JPH3: variants seen among roughly 807,000 people sequenced by gnomAD.
JPH3 encodes junctophilin-3.
JPH3 carries 11 observed loss-of-function variants against 59.6 expected under a neutral mutation model. The ratio of observed to expected loss-of-function variants is 0.18; its 90% CI spans 0.12 to 0.31. JPH3 has a LOEUF of 0.31. Among genes scored for constraint, JPH3 ranks in the 10% least tolerant of loss-of-function variants. JPH3 has a pLI of 1.00. For synonymous variants in JPH3, 673 were observed against 483.6 expected, an observed-to-expected ratio of 1.39 and a Z score of -5.14; for missense variants, 1,202 against 1,105.7, an observed-to-expected ratio of 1.09 and a Z score of -1.24.
intron 4 of JPH3, 36 bp downstream of exon 4, chr16:87,690,562 G>A (rs1330648927): frequency 2.8e-6 from 4 of 1,440,148 alleles, no homozygotes; most frequent in Admixed American, 3.0e-5. Context: ...CCCAGTGGAG[G>A]CAACATCCAC....
intron 1 of JPH3, among the ~76,000 whole-genome samples, chr16:87,630,029 G>A (rs912098885): frequency 6.6e-6 from 1 of 152,220 alleles, no homozygotes; most frequent in African/African-American, 2.4e-5. Context: ...CCCATGTGGA[G>A]AGTGGAAGAA....
chr16:87,650,511 G>T (rs1333311779), intron 2 of JPH3, among the ~76,000 whole-genome samples: 2 of 152,174 alleles, frequency 1.3e-5, no homozygotes, highest in African/African-American at 4.8e-5. Context: ...TCAAAAGCTG[G>T]AAATGATAAA....
intron 2 of JPH3, among the ~76,000 whole-genome samples, chr16:87,651,867 C>A (rs1468699972): frequency 6.6e-6 from 1 of 152,260 alleles, no homozygotes; most frequent in Middle Eastern, 3.2e-3. Flanking sequence ...ACTCCAGTTT[C>A]CAATGAAGCT....
At chr16:87,656,274 C>G (rs756631186) in intron 2 of JPH3, among the ~76,000 whole-genome samples, 2 of 152,224 alleles carry the variant, frequency 1.3e-5, no homozygotes, top group East Asian at 3.9e-4. Context: ...TGGAGTCACT[C>G]CAGAAGCCGC....
In JPH3 at chr16:87,649,742, C is replaced by T. The variant is rs917902887; in HGVS notation, c.1160+4707C>T. Reference sequence around the variant, plus strand: ...GCCCGTTTCTCCTTCCCGTCCCCCTCCCCACTTTGGCCCCTGGGACCTGCT... The same window carrying T: ...GCCCGTTTCTCCTTCCCGTCCCCCTTCCCACTTTGGCCCCTGGGACCTGCT... On this transcript the variant is annotated intron_variant, in intron 2 of 4. Transcript: ENST00000284262. Among the ~76,000 whole-genome samples the T allele has an allele frequency of 2.0e-5, 3 of 152,208 alleles. No homozygotes were observed. In the South Asian group the frequency reaches 6.2e-4, roughly 32 times the overall value.
rs186566316 is a variant in JPH3, at chr16:87,648,784, C to G, written c.1160+3749C>G. ...TTTGGGATGCGCCCAGTGTTCGGAG[C>G]CTTCGAGGCTCTCCAGGTGCCTGGA... On this transcript the variant is annotated intron_variant, in intron 2 of 4. Transcript: ENST00000284262. Among the ~76,000 whole-genome samples, 158 of 152,288 alleles carry G rather than the reference C, an allele frequency of 1.0e-3. 1 individual carries two copies. The highest frequency in any genetic ancestry group is 3.6e-3 in the African/African-American group (150 of 41,572).
At chr16:87,606,490 G>A in intron 1 of JPH3, among the ~76,000 whole-genome samples, 1 of 152,190 alleles carries the variant, frequency 6.6e-6, no homozygotes, top group Non-Finnish European at 1.5e-5. Flanking sequence ...AGGCCTGGGG[G>A]TGTGGGGTAC....
At chr16:87,649,387 C>T (rs79212706) in intron 2 of JPH3, among the ~76,000 whole-genome samples, 2,581 of 152,334 alleles carry the variant, frequency 0.017, 57 homozygotes, top group African/African-American at 0.059. Flanking sequence ...CTTTGCACGG[C>T]GCTGCCTGTC....
intron 4 of JPH3, chr16:87,695,272 T>C (rs993555037): frequency 2.2e-6 from 1 of 455,566 alleles, no homozygotes; most frequent in East Asian, 6.9e-5. Flanking sequence ...ATCATGTCTT[T>C]GAAATTTGAC....
intron 3 of JPH3, among the ~76,000 whole-genome samples, chr16:87,688,194 C>G (rs1215486055): frequency 1.3e-5 from 2 of 152,092 alleles, no homozygotes; most frequent in Non-Finnish European, 2.9e-5. Context: ...CAGAGTGGCC[C>G]ACCCACACCC....
At chr16:87,612,451 T>A (rs1488809426) in intron 1 of JPH3, among the ~76,000 whole-genome samples, 3 of 152,198 alleles carry the variant, frequency 2.0e-5, no homozygotes, top group Admixed American at 6.5e-5. Flanking sequence ...GCACCTGGCC[T>A]GAGATTATTT....
intron 1 of JPH3, among the ~76,000 whole-genome samples, chr16:87,634,529 C>G (rs950758477): frequency 3.9e-5 from 6 of 152,244 alleles, no homozygotes; most frequent in Non-Finnish European, 8.8e-5. Context: ...GTCCCTGCCT[C>G]CAGGTGGGAA....
At chr16:87,649,897 A>G (rs963414214) in intron 2 of JPH3, among the ~76,000 whole-genome samples, 12 of 152,260 alleles carry the variant, frequency 7.9e-5, no homozygotes, top group African/African-American at 2.9e-4. Flanking sequence ...GCAAAAGCTC[A>G]GCCAGGATTT....
chr16:87,654,153 C>G (rs1330469631), intron 2 of JPH3: 8 of 152,352 alleles, frequency 5.3e-5, no homozygotes, highest in East Asian at 3.9e-4. Flanking sequence ...ATACATTGTG[C>G]CTTCCTCTTT....
intron 2 of JPH3, among the ~76,000 whole-genome samples, chr16:87,673,729 C>T (rs946304330): frequency 1.3e-5 from 2 of 151,910 alleles, no homozygotes; most frequent in Admixed American, 6.6e-5. Flanking sequence ...AGTTCGAGAC[C>T]AGCCTGACCA....
At chr16:87,634,482 C>G (rs750080516) in intron 1 of JPH3, among the ~76,000 whole-genome samples, 1 of 152,198 alleles carries the variant, frequency 6.6e-6, no homozygotes, top group Non-Finnish European at 1.5e-5. Context: ...CCCAGTGGTG[C>G]CTGTTTCTTC....
At chr16:87,696,456 C>T (rs953323875) in intron 4 of JPH3, 124 bp from the exon 5 acceptor site, 61 of 770,234 alleles carry the variant, frequency 7.9e-5, no homozygotes, top group Non-Finnish European at 2.5e-5. Context: ...TTTCTAACAT[C>T]CTCCCGTACG....
chr16:87,670,732 A>G (rs1376365768), intron 2 of JPH3, among the ~76,000 whole-genome samples: 1 of 152,216 alleles, frequency 6.6e-6, no homozygotes, highest in Non-Finnish European at 1.5e-5. Flanking sequence ...TTGATGTGTC[A>G]CTTCAACAGG....
intron 2 of JPH3, among the ~76,000 whole-genome samples, chr16:87,658,050 G>C (rs1352479463): frequency 1.3e-5 from 2 of 152,154 alleles, no homozygotes; most frequent in Admixed American, 1.3e-4. Flanking sequence ...CCACACCCTG[G>C]TCTTCACAAG....
Sources: allele counts gnomAD v4.1 joint callset (sites outside exome capture counted in the v4.1 genomes callset), GRCh38; gene constraint gnomAD v4.1.1; transcripts MANE v1.5; gene names NCBI Gene and HGNC (gene_info 2026-07-23, HGNC 2026-07-21).